Variants in FAT3 observed in about 807,000 individuals in gnomAD.
The protein encoded by FAT3 is protocadherin Fat 3.
In FAT3, 95 loss-of-function variants were observed where a neutral mutation model predicts 310.2. The observed-to-expected ratio is 0.31, with a 90% CI of 0.26 to 0.36. FAT3 has a LOEUF of 0.36. FAT3 is among the 10% of genes least tolerant of loss of function. FAT3 has a pLI of 1.00. For synonymous variants in FAT3, 2,314 were observed against 2,192.9 expected, an observed-to-expected ratio of 1.06 and a Z score of -1.54; for missense variants, 5,408 against 5,715.6, an observed-to-expected ratio of 0.95 and a Z score of 1.74.
intron 3 of FAT3, among the ~76,000 whole-genome samples, chr11:92,633,345 A>C (rs1238312609): frequency 6.6e-6 from 1 of 152,158 alleles, no homozygotes; most frequent in Non-Finnish European, 1.5e-5. Flanking sequence ...GATAACAGAA[A>C]ATGTGATGGT....
At chr11:92,572,383 T>C (rs898359976) in intron 3 of FAT3, among the ~76,000 whole-genome samples, 3 of 152,198 alleles carry the variant, frequency 2.0e-5, no homozygotes, top group Non-Finnish European at 4.4e-5. Context: ...GAACATGTGA[T>C]GATGAAAATC....
intron 3 of FAT3, among the ~76,000 whole-genome samples, chr11:92,586,540 T>C (rs1275518575): frequency 6.6e-6 from 1 of 152,004 alleles, no homozygotes; most frequent in Non-Finnish European, 1.5e-5. Context: ...CTTGCCATTT[T>C]TCTGTGAGTT....
At chr11:92,880,613 T>G (rs1468806898) in intron 22 of FAT3, 118 bp from the exon 23 acceptor site, 34 of 1,168,534 alleles carry the variant, frequency 2.9e-5, no homozygotes, top group Non-Finnish European at 5.9e-6. Flanking sequence ...ACCTTTGGAA[T>G]TTGGGCCCTT....
intron 7 of FAT3, among the ~76,000 whole-genome samples, chr11:92,782,922 C>T (rs576466484): frequency 3.0e-4 from 46 of 152,316 alleles, no homozygotes; most frequent in African/African-American, 1.1e-3. Context: ...TCATCCTGAA[C>T]CTACTTAAAA....
In FAT3 at chr11:92,353,357, G is replaced by C; in HGVS notation, c.1245G>C (p.Glu415Asp). ...IDVEYKLSPG[E>D]DAVYFKINPR... ...TGGAATACAAATTATCTCCTGGTGA[G>C]GATGCAGTGTACTTTAAAATTAATC... is the stretch of plus-strand genomic sequence containing the variant. The change falls in exon 2 of 28, where the codon GAG (glutamate) becomes GAC (aspartate). Residue 415 changes from glutamate (E) to aspartate (D), a missense_variant. By Grantham distance (45) the Glu-to-Asp change is conservative. Coordinates refer to ENST00000525166, the MANE Select transcript of FAT3 (RefSeq NM_001367949.2). The C allele has an allele frequency of 6.2e-7, 1 of 1,613,492 alleles. No homozygotes were observed. Among genetic ancestry groups the C allele is most frequent in the South Asian group, 1.1e-5 (1 of 91,030 alleles).
chr11:92,493,836 C>T (rs1459374272), intron 2 of FAT3, among the ~76,000 whole-genome samples: 3 of 151,938 alleles, frequency 2.0e-5, no homozygotes, highest in African/African-American at 7.3e-5. Context: ...TCTATTAGTA[C>T]CCCTGGGAAT....
intron 2 of FAT3, among the ~76,000 whole-genome samples, chr11:92,416,482 T>C (rs1196199414): frequency 6.6e-6 from 1 of 152,202 alleles, no homozygotes; most frequent in Non-Finnish European, 1.5e-5. Flanking sequence ...ATTTTATACA[T>C]TGTTCTCTAA....
At chr11:92,343,451 G>A (rs2134592610) in intron 1 of FAT3, among the ~76,000 whole-genome samples, 1 of 152,230 alleles carries the variant, frequency 6.6e-6, no homozygotes, top group African/African-American at 2.4e-5. Context: ...CCACAGAGAG[G>A]TGAAATATGA....
At chr11:92,581,865 G>T (rs536506118) in intron 3 of FAT3, among the ~76,000 whole-genome samples, 4 of 152,098 alleles carry the variant, frequency 2.6e-5, no homozygotes, top group South Asian at 2.1e-4. Context: ...TCACAGAGAG[G>T]GTTCTTAGAT....
At chr11:92,316,455 G>C (rs1262707829) in intron 1 of FAT3, among the ~76,000 whole-genome samples, 1 of 152,064 alleles carries the variant, frequency 6.6e-6, no homozygotes, top group African/African-American at 2.4e-5. Flanking sequence ...TATTGACAAT[G>C]GTTCTCCTAA....
At chr11:92,564,747 C>G (rs1457624973) in intron 3 of FAT3, among the ~76,000 whole-genome samples, 1 of 150,230 alleles carries the variant, frequency 6.7e-6, no homozygotes, top group Non-Finnish European at 1.5e-5. Flanking sequence ...CAAAACCACT[C>G]AACTACATGG....
At chr11:92,509,325 T>C (rs1372599722) in intron 2 of FAT3, among the ~76,000 whole-genome samples, 3 of 152,198 alleles carry the variant, frequency 2.0e-5, no homozygotes, top group African/African-American at 7.2e-5. Context: ...AATGTGTATC[T>C]CCTTTGACCT....
At chr11:92,281,028 A>G (rs1946405667) in intron 1 of FAT3, among the ~76,000 whole-genome samples, 1 of 152,206 alleles carries the variant, frequency 6.6e-6, no homozygotes, top group South Asian at 2.1e-4. Context: ...TACTTATAAT[A>G]GCAAAAAATA....
At chr11:92,630,954 A>C (rs493594) in intron 3 of FAT3, among the ~76,000 whole-genome samples, 87,094 of 152,048 alleles carry the variant, frequency 0.57, 26,690 homozygotes, top group African/African-American at 0.8. Flanking sequence ...TTTGGAAATT[A>C]TTATTTACAA....
chr11:92,566,501 A>G lies in FAT3; in HGVS notation c.3607+41553A>G, dbSNP rs1955452545. 2.0e-5 allele frequency among the ~76,000 whole-genome samples: 3 copies of G among 151,882 alleles called. No homozygotes were observed. In the South Asian group the frequency reaches 6.2e-4, roughly 31 times the overall value. On this transcript the variant is annotated intron_variant, in intron 3 of 27. Coordinates refer to ENST00000525166, the MANE Select transcript of FAT3 (RefSeq NM_001367949.2). ...GATTCAATGCCATCCCCATCAAGCT[A>G]CCAATGACTTTCTTCACAGAATTGG...
At position 92,736,531 on chromosome 11, in the gene FAT3, G is replaced by T. The variant is rs182176787; in HGVS notation, c.3670-25325G>T. Among the ~76,000 whole-genome samples, 18 of 152,210 alleles carry T rather than the reference G, an allele frequency of 1.2e-4. No individual in the cohort carries two copies. In the East Asian group the frequency reaches 2.9e-3, roughly 25 times the overall value. On this transcript the variant is annotated intron_variant, in intron 4 of 27. Transcript: ENST00000525166. ...TAACGAAAAAGAAGTAATGGCAATTGACCCTTGAGGTGTCTGATCAGACCC... is the reference window on the plus strand; with the variant it reads ...TAACGAAAAAGAAGTAATGGCAATTTACCCTTGAGGTGTCTGATCAGACCC...
intron 27 of FAT3, 137 bp downstream of exon 27, chr11:92,890,028 G>T (rs1949881026): frequency 1.4e-6 from 1 of 706,822 alleles, no homozygotes; most frequent in South Asian, 1.5e-5. Flanking sequence ...CAGTATTGGA[G>T]GTGAAAGCTC....
At chr11:92,584,231 C>T (rs529325683) in intron 3 of FAT3, among the ~76,000 whole-genome samples, 70 of 152,092 alleles carry the variant, frequency 4.6e-4, no homozygotes, top group African/African-American at 1.6e-3. Context: ...ATCAGCTGTT[C>T]GTACATAGCT....
chr11:92,860,447 T>A (rs1949091960), intron 21 of FAT3, among the ~76,000 whole-genome samples: 1 of 152,206 alleles, frequency 6.6e-6, no homozygotes. Context: ...TAGACCAGAT[T>A]CAGCCTTCTA....
Sources: gnomAD v4.1 joint callset for allele counts (sites outside exome capture counted in the v4.1 genomes callset) on GRCh38, gnomAD v4.1.1 for gene constraint, MANE v1.5 for transcripts, NCBI Gene and HGNC (gene_info 2026-07-23, HGNC 2026-07-21) for gene names.